Variants in ITGA3 observed in about 807,000 individuals in gnomAD.
ITGA3 encodes the protein integrin subunit alpha 3.
Under a neutral mutation model 131.1 loss-of-function variants are expected in ITGA3, and 70 were observed. The ratio of observed to expected loss-of-function variants is 0.53; its 90% CI spans 0.44 to 0.65. The LOEUF (loss-of-function observed/expected upper bound fraction) is 0.65. Among genes scored for constraint, ITGA3 ranks in the 30% least tolerant of loss-of-function variants. The pLI, the probability that ITGA3 is intolerant of heterozygous loss-of-function variation, is 0.00. For missense variants in ITGA3, 1,098 were observed against 1,388.6 expected (o/e 0.79, Z 3.33); for synonymous variants, 537 against 571.6 (o/e 0.94, Z 0.86).
chr17:50,067,988 G>A (rs1195770111), intron 3 of ITGA3, 68 bp from the exon 4 acceptor site: 5 of 1,593,030 alleles, frequency 3.1e-6, no homozygotes, highest in African/African-American at 2.8e-5. Flanking sequence ...AGGCTTACAG[G>A]GTAAAAGAGA....
At chr17:50,066,825 T>G (rs73330535) in intron 3 of ITGA3, among the ~76,000 whole-genome samples, 2,593 of 152,222 alleles carry the variant, frequency 0.017, 91 homozygotes, top group African/African-American at 0.059. Context: ...TGTACAGATT[T>G]CAAACTTCAA....
intron 5 of ITGA3, 135 bp downstream of exon 5, chr17:50,071,065 G>A: frequency 1.3e-6 from 1 of 742,166 alleles, no homozygotes; most frequent in Non-Finnish European, 2.4e-6. Context: ...GCCGGCACCT[G>A]TATGCCAGGC....
At chr17:50,088,070 G>C in intron 24 of ITGA3, 155 bp from the exon 25 acceptor site, 1 of 1,238,594 alleles carries the variant, frequency 8.1e-7, no homozygotes, top group South Asian at 1.6e-5. Context: ...TGGAAAGGGG[G>C]ACCCAGGAGC....
rs965653894 is a variant in ITGA3 at position 50,089,491 on chromosome 17, T to C, written c.*413T>C. On this transcript the variant is annotated 3_prime_UTR_variant, in exon 26 of 26. Coordinates refer to ENST00000320031, the MANE Select transcript of ITGA3 (RefSeq NM_002204.4). ...CAACGCCGAGTGCACTGCATTCCTG[T>C]GCCCTAGATGCACGTGGGGCCCACT... 2 of 559,160 alleles carry C rather than the reference T, an allele frequency of 3.6e-6. No homozygotes were observed. The highest frequency in any genetic ancestry group is 3.0e-5 in the Admixed American group (1 of 32,788). 34.6% of individuals were successfully genotyped at this position (559,160 alleles called of 1,614,324 possible). A position where few individuals can be genotyped will look rare whatever the true frequency, so the allele number is the denominator to read the frequency against.
At chr17:50,085,623 C>T (rs1432357214) in intron 23 of ITGA3, among the ~76,000 whole-genome samples, 1 of 150,910 alleles carries the variant, frequency 6.6e-6, no homozygotes, top group Non-Finnish European at 1.5e-5. Flanking sequence ...AAGATTGTGC[C>T]CCTGCACTCC....
At chr17:50,075,775 C>A (rs1279419346) in intron 12 of ITGA3, 40 bp downstream of exon 12, 6 of 1,608,708 alleles carry the variant, frequency 3.7e-6, no homozygotes, top group Non-Finnish European at 5.1e-6. Context: ...GCTCCCAGGT[C>A]CCTGGAGGAG....
At chr17:50,088,096 C>A in intron 24 of ITGA3, 129 bp from the exon 25 acceptor site, 2 of 1,326,070 alleles carry the variant, frequency 1.5e-6, no homozygotes, top group Non-Finnish European at 2.0e-6. Context: ...CTTCTGACCA[C>A]ACCACCAAGC....
Position 50,075,699 on chromosome 17 carries a change from C to G in ITGA3, c.1638C>G (p.Pro546=), listed in dbSNP as rs537585938. The part of the protein sequence containing the change: ...SAVFHGFFSM[P]EMRCQKLELL... ...TCTTCCACGGCTTCTTCTCCATGCCCGAGATGCGCTGCCAGAAGCTGGAGC... is the reference window on the plus strand; with the variant it reads ...TCTTCCACGGCTTCTTCTCCATGCCGGAGATGCGCTGCCAGAAGCTGGAGC... Residue 546 remains proline (P), a synonymous_variant, in exon 12 of 26, where the codon CCC becomes CCG. Coordinates refer to ENST00000320031, the MANE Select transcript of ITGA3 (RefSeq NM_002204.4). The G allele has an allele frequency of 1.2e-6, 2 of 1,614,140 alleles. No individual in the cohort carries two copies. The highest frequency in any genetic ancestry group is 2.7e-5 in the African/African-American group (2 of 75,052).
At position 50,078,913 on chromosome 17, in the gene ITGA3, A is replaced by C. The variant is rs200507065; in HGVS notation, c.2387A>C (p.Lys796Thr). Residue 796 changes from lysine to threonine, a missense_variant, in exon 19 of 26, where the codon AAG (lysine) becomes ACG (threonine). By Grantham distance (78) the Lys-to-Thr change is moderately conservative (BLOSUM62 -1). Around this residue, in one of 3 missense-constraint regions of ITGA3, gnomAD observed 699 missense variants for 829.2 expected, o/e 0.84. Coordinates refer to ENST00000320031, the MANE Select transcript of ITGA3 (RefSeq NM_002204.4). ...KTVEDVGSPL[K>T]YEFQVGPMGE... is the part of the protein sequence containing the mutation. ...GTGGAGGATGTAGGAAGCCCCCTCA[A>C]GTATGAATTCCAGGTAAGGGGCTCG... 2 of 1,606,822 alleles carry C rather than the reference A, an allele frequency of 1.2e-6. No homozygotes were observed. The highest frequency in any genetic ancestry group is 1.7e-6 in the Non-Finnish European group (2 of 1,173,364).
chr17:50,068,858 A>T (rs796919791), intron 4 of ITGA3, among the ~76,000 whole-genome samples: 226 of 98,422 alleles, frequency 2.3e-3, no homozygotes, highest in East Asian at 3.9e-3. Context: ...TTATTTATTT[A>T]TTTTTTTGAG....
chr17:50,072,317 A>G, intron 7 of ITGA3, 135 bp downstream of exon 7: 1 of 746,832 alleles, frequency 1.3e-6, no homozygotes, highest in South Asian at 1.8e-5. Flanking sequence ...GGACCTGGGG[A>G]GCTCGCAGCA....
At chr17:50,070,739 C>T in intron 4 of ITGA3, 105 bp from the exon 5 acceptor site, 7 of 532,004 alleles carry the variant, frequency 1.3e-5, no homozygotes, top group South Asian at 1.2e-4. Flanking sequence ...GGGGTTATTA[C>T]TATCCTTGTT....
chr17:50,068,205 C>T lies in ITGA3; in HGVS notation c.564C>T (p.Asn188=). The part of the protein sequence containing the change: ...QTYHNEMCNS[N]TDYLETGMCQ... ...ACCACAACGAGATGTGCAATAGCAA[C>T]ACAGACTACCTGGAGACGGGCATGT... The change falls in exon 4 of 26, where the codon AAC becomes AAT. Residue 188 remains asparagine, a synonymous_variant. Coordinates refer to ENST00000320031, the MANE Select transcript of ITGA3 (RefSeq NM_002204.4). 6.2e-7 allele frequency: 1 copy of T among 1,614,190 alleles called. No individual in the cohort carries two copies.
At chr17:50,074,096 G>C in intron 8 of ITGA3, 48 bp from the exon 9 acceptor site, 1 of 1,570,010 alleles carries the variant, frequency 6.4e-7, no homozygotes, top group Non-Finnish European at 8.8e-7. Context: ...GTAGCCCCCT[G>C]GGCCCTGCTC....
intron 23 of ITGA3, chr17:50,087,344 T>C (rs76937966): frequency 0.089 from 14,571 of 163,310 alleles, 1,087 homozygotes; most frequent in East Asian, 0.33. Context: ...AACCCCTGCT[T>C]TTGGTCGTTC....
At chr17:50,086,397 G>A (rs1204013466) in intron 23 of ITGA3, 1 of 150,602 alleles carries the variant, frequency 6.6e-6, no homozygotes, top group African/African-American at 2.4e-5. Flanking sequence ...TGTATAGTCA[G>A]AACAAACACG....
At chr17:50,070,620 T>C (rs1598186097) in intron 4 of ITGA3, among the ~76,000 whole-genome samples, 1 of 106,488 alleles carries the variant, frequency 9.4e-6, no homozygotes, top group Admixed American at 1.4e-4. Context: ...CACTCCAGCC[T>C]GGGCAACAAG....
intron 12 of ITGA3, 132 bp from the exon 13 acceptor site, chr17:50,076,194 A>C: frequency 5.6e-6 from 5 of 900,148 alleles, no homozygotes; most frequent in Non-Finnish European, 8.2e-6. Flanking sequence ...GACTGGAGGG[A>C]GTTCAGCCTA....
Position 50,064,025 on chromosome 17 carries a change from A to T in ITGA3, c.207-52A>T. The T allele has an allele frequency of 6.3e-7, 1 of 1,598,760 alleles. No homozygotes were observed. The highest frequency in any genetic ancestry group is 1.7e-5 in the Admixed American group (1 of 58,610). ...TGTTGAATAAATAACAAGTTGTTCC[A>T]AGTGGGGCTTGGGGAGTCTGAACCC... is the stretch of plus-strand genomic sequence containing the variant. On this transcript the variant is annotated intron_variant, in intron 1 of 25. Coordinates refer to ENST00000320031, the MANE Select transcript of ITGA3 (RefSeq NM_002204.4). This position sits in a 1 kb window ranked among gnomAD's most constrained non-coding sequence, Gnocchi z 4.4.
Sources: allele counts gnomAD v4.1 joint callset (sites outside exome capture counted in the v4.1 genomes callset), GRCh38; gene constraint gnomAD v4.1.1; regional missense constraint gnomAD v4.1.1; non-coding constraint Gnocchi (gnomAD v3.1); transcripts MANE v1.5; gene names NCBI Gene and HGNC (gene_info 2026-07-23, HGNC 2026-07-21).